The following CADM2 variants were observed in gnomAD, a reference collection of about 807,000 sequenced individuals.
CADM2 encodes immunoglobulin superfamily member 4D.
A neutral mutation model predicts 49.8 loss-of-function variants in CADM2; 12 were observed. The observed-to-expected ratio is 0.24, with a 90% CI of 0.15 to 0.39. The LOEUF (loss-of-function observed/expected upper bound fraction) is 0.39. CADM2 is among the 10% of genes least tolerant of loss of function. The pLI is 1.00. For missense variants in CADM2, 378 were observed against 492.3 expected (o/e 0.77, Z 2.20); for synonymous variants, 214 against 175.4 (o/e 1.22, Z -1.74).
chr3:85,932,361 A>G (rs1720708974), intron 6 of CADM2, among the ~76,000 whole-genome samples: 1 of 152,218 alleles, frequency 6.6e-6, no homozygotes, highest in South Asian at 2.1e-4. Context: ...CCAAGTGAAC[A>G]TGCCACATAG....
chr3:85,564,611 T>A (rs2062200671), intron 1 of CADM2, among the ~76,000 whole-genome samples: 1 of 152,128 alleles, frequency 6.6e-6, no homozygotes, highest in Non-Finnish European at 1.5e-5. Context: ...AATCATGTAT[T>A]TATTTGTGTA....
chr3:86,019,300 G>A (rs1367508493), intron 8 of CADM2, among the ~76,000 whole-genome samples: 2 of 140,522 alleles, frequency 1.4e-5, no homozygotes, highest in South Asian at 2.4e-4. Flanking sequence ...ATAGTTTGAA[G>A]TCAGGTAGCG....
At position 85,412,892 on chromosome 3, in the gene CADM2, A is replaced by C. The variant is rs188299187; in HGVS notation, c.62-313630A>C. Among the ~76,000 whole-genome samples the C allele has an allele frequency of 2.8e-3, 426 of 151,988 alleles. 1 individual carries two copies. Among genetic ancestry groups the C allele is most frequent in the African/African-American group, 8.8e-3 (365 of 41,422 alleles). ...CTGATTTTAAAAATAGCCATTTGAG[A>C]AGTCATTGGGAGGCCGAGGCGGGCG... On this transcript the variant is annotated intron_variant, in intron 1 of 9. Coordinates refer to ENST00000383699, the MANE Select transcript of CADM2 (RefSeq NM_001167675.2).
chr3:85,208,500 G>C (rs1184868106), intron 1 of CADM2, among the ~76,000 whole-genome samples: 1 of 151,966 alleles, frequency 6.6e-6, no homozygotes, highest in Admixed American at 6.6e-5. Flanking sequence ...ATTTGCAGGG[G>C]GTGAAGATTT....
intron 3 of CADM2, among the ~76,000 whole-genome samples, chr3:85,879,455 C>T (rs1318949003): frequency 1.3e-5 from 2 of 151,940 alleles, no homozygotes; most frequent in Non-Finnish European, 2.9e-5. Context: ...TTTAAAGATA[C>T]TTAGAATCAC....
At chr3:85,090,369 G>T (rs1203718063) in intron 1 of CADM2, among the ~76,000 whole-genome samples, 11 of 152,086 alleles carry the variant, frequency 7.2e-5, no homozygotes, top group Non-Finnish European at 1.3e-4. Context: ...CATTGACAAT[G>T]ACCACTTACA....
intron 1 of CADM2, among the ~76,000 whole-genome samples, chr3:85,469,442 G>T (rs908170812): frequency 1.5e-4 from 23 of 152,220 alleles, no homozygotes; most frequent in African/African-American, 4.6e-4. Flanking sequence ...ACGCCATGCA[G>T]GAATGGCCTC....
At chr3:84,988,840 T>C (rs138805939) in intron 1 of CADM2, among the ~76,000 whole-genome samples, 24 of 152,312 alleles carry the variant, frequency 1.6e-4, no homozygotes, top group African/African-American at 5.8e-4. Flanking sequence ...GTTTATTTAC[T>C]TAAATAAAAG....
At chr3:85,888,582 A>T (rs1713996263) in intron 5 of CADM2, among the ~76,000 whole-genome samples, 1 of 152,058 alleles carries the variant, frequency 6.6e-6, no homozygotes, top group South Asian at 2.1e-4. Context: ...TTATCTCTAC[A>T]CTTGCATCTA....
chr3:85,626,958 A>C (rs2064147821), intron 1 of CADM2, among the ~76,000 whole-genome samples: 1 of 152,208 alleles, frequency 6.6e-6, no homozygotes. Flanking sequence ...GTTTGCAGAG[A>C]CTACAAAATC....
intron 1 of CADM2, among the ~76,000 whole-genome samples, chr3:85,386,315 A>G (rs1003428897): frequency 1.3e-5 from 2 of 152,178 alleles, no homozygotes; most frequent in African/African-American, 4.8e-5. Context: ...CAACCTTAGC[A>G]AAGAGAATAC....
intron 3 of CADM2, among the ~76,000 whole-genome samples, chr3:85,817,745 G>A (rs1372726645): frequency 6.6e-6 from 1 of 152,026 alleles, no homozygotes; most frequent in Non-Finnish European, 1.5e-5. Context: ...TTCTTGAAGT[G>A]GAGCTTGCAG....
Position 85,325,688 on chromosome 3 carries a change from C to CAA in CADM2, c.61+366039_61+366040dup, listed in dbSNP as rs35096319. ...CTGGGCCACAGGAGCAAGACTCCATCAAAAAAAAAAAAAAAAAAAAGTGTG... is the reference window on the plus strand; with the variant it reads ...CTGGGCCACAGGAGCAAGACTCCATCAAAAAAAAAAAAAAAAAAAAAAGTGTG... On this transcript the variant is annotated intron_variant, in intron 1 of 9. Transcript: ENST00000383699. 4.2e-3 allele frequency among the ~76,000 whole-genome samples: 388 copies of CAA among 92,666 alleles called. 1 individual carries two copies. Among genetic ancestry groups the CAA allele is most frequent in the East Asian group, 0.031 (106 of 3,398 alleles). 60.8% of individuals were successfully genotyped at this position (92,666 alleles called of 152,430 possible).
intron 8 of CADM2, among the ~76,000 whole-genome samples, chr3:86,062,751 A>G (rs982586271): frequency 3.3e-5 from 5 of 151,614 alleles, no homozygotes; most frequent in Admixed American, 2.0e-4. Flanking sequence ...AGATCATGCC[A>G]CTCACTGAAC....
intron 2 of CADM2, among the ~76,000 whole-genome samples, chr3:85,754,473 G>A (rs1190240332): frequency 2.0e-5 from 3 of 152,072 alleles, no homozygotes; most frequent in South Asian, 2.1e-4. Flanking sequence ...GGAACTCACC[G>A]TAAGCCTAGA....
At chr3:85,480,807 T>C (rs1366586756) in intron 1 of CADM2, among the ~76,000 whole-genome samples, 4 of 151,778 alleles carry the variant, frequency 2.6e-5, no homozygotes, top group Non-Finnish European at 5.9e-5. Context: ...ATTGCAATGT[T>C]TGAGGACAGC....
At chr3:85,499,480 C>T (rs1295589301) in intron 1 of CADM2, among the ~76,000 whole-genome samples, 1 of 151,536 alleles carries the variant, frequency 6.6e-6, no homozygotes, top group East Asian at 1.9e-4. Flanking sequence ...GTGTGTGTGA[C>T]AAATGAAATT....
At chr3:85,917,724 TG>T (rs1718548734) in intron 6 of CADM2, among the ~76,000 whole-genome samples, 1 of 152,278 alleles carries the variant, frequency 6.6e-6, no homozygotes, top group African/African-American at 2.4e-5. Context: ...GGTAGCTTGA[TG>T]GGGATGGCAT....
intron 8 of CADM2, among the ~76,000 whole-genome samples, chr3:86,032,404 G>A (rs1004062700): frequency 3.3e-5 from 5 of 151,760 alleles, no homozygotes; most frequent in Admixed American, 2.0e-4. Context: ...GGCCTTTAAA[G>A]GATAAAGGGT....
Sources: allele counts gnomAD v4.1 joint callset (sites outside exome capture counted in the v4.1 genomes callset), GRCh38; gene constraint gnomAD v4.1.1; transcripts MANE v1.5; gene names NCBI Gene and HGNC (gene_info 2026-07-23, HGNC 2026-07-21).